SHQ1: variants seen among roughly 807,000 people sequenced by gnomAD.
SHQ1 encodes the protein protein SHQ1 homolog.
In SHQ1, 49 loss-of-function variants were observed where a neutral mutation model predicts 53.8. The observed-to-expected ratio is 0.91, with a 90% CI of 0.72 to 1.16. SHQ1 has a LOEUF of 1.16. SHQ1 is among the 50% of genes most tolerant of loss of function. The pLI is 0.00. For missense variants in SHQ1, 738 were observed against 683.1 expected, an observed-to-expected ratio of 1.08 and a Z score of -0.90; for synonymous variants, 243 against 251.0, an observed-to-expected ratio of 0.97 and a Z score of 0.30.
intron 10 of SHQ1, among the ~76,000 whole-genome samples, chr3:72,762,780 T>C (rs1227132971): frequency 1.3e-5 from 2 of 152,078 alleles, no homozygotes; most frequent in Non-Finnish European, 2.9e-5. Context: ...GTTAGAGCAA[T>C]TCTCCTGCCT....
chr3:72,748,264 A>G (rs1372210302), downstream of SHQ1, among the ~76,000 whole-genome samples: 3 of 147,850 alleles, frequency 2.0e-5, no homozygotes, highest in Admixed American at 6.9e-5. Context: ...ATAAGAATGC[A>G]TATCTAGCAC....
chr3:72,737,222 G>T, the SHQ1 span, among the ~76,000 whole-genome samples: 1 of 152,114 alleles, frequency 6.6e-6, no homozygotes, highest in Non-Finnish European at 1.5e-5. Flanking sequence ...AGGTTGCAGT[G>T]AGCTGAGATC....
the SHQ1 span, among the ~76,000 whole-genome samples, chr3:72,731,413 C>G: frequency 1.3e-5 from 2 of 151,098 alleles, no homozygotes; most frequent in African/African-American, 4.9e-5. Flanking sequence ...GGGCTGGGCG[C>G]GGTGGCACAT....
intron 10 of SHQ1, among the ~76,000 whole-genome samples, chr3:72,777,301 AC>A (rs1359538897): frequency 7.9e-5 from 12 of 152,332 alleles, no homozygotes; most frequent in Non-Finnish European, 1.5e-4. Context: ...AACATATTTA[AC>A]CCATAAAGGA....
At chr3:72,800,147 C>T (rs1706741168) in intron 9 of SHQ1, among the ~76,000 whole-genome samples, 2 of 152,150 alleles carry the variant, frequency 1.3e-5, no homozygotes, top group Non-Finnish European at 2.9e-5. Flanking sequence ...CCAGTTCAAC[C>T]TCTTGCCTGC....
At chr3:72,762,381 G>A (rs1158702906) in intron 10 of SHQ1, among the ~76,000 whole-genome samples, 2 of 152,146 alleles carry the variant, frequency 1.3e-5, no homozygotes, top group African/African-American at 4.8e-5. Context: ...GTTCACCCCA[G>A]CTTTGCAACT....
rs1303593769 is a variant in SHQ1, at chr3:72,756,550, A to G, written c.1182-5714T>C. On this transcript the variant is annotated intron_variant, in intron 10 of 10. Coordinates refer to ENST00000325599, the MANE Select transcript of SHQ1 (RefSeq NM_018130.3). ...ACCTTGGTCTCTCAAAGTGCTGGGG[A>G]TTACAGGAGTAAGCCACCATGCCTG... is the stretch of plus-strand genomic sequence containing the variant. Among the ~76,000 whole-genome samples the G allele has an allele frequency of 2.0e-5, 3 of 152,224 alleles. No homozygotes were observed. The East Asian group carries it at 5.8e-4, about 29-fold the overall frequency.
intron 10 of SHQ1, among the ~76,000 whole-genome samples, chr3:72,754,016 C>A (rs1200190565): frequency 6.6e-6 from 1 of 152,156 alleles, no homozygotes; most frequent in African/African-American, 2.4e-5. Flanking sequence ...AAAGTGGATA[C>A]TGCCTCTAAC....
At chr3:72,833,955 G>A (rs1156602469) in intron 4 of SHQ1, among the ~76,000 whole-genome samples, 28 of 152,212 alleles carry the variant, frequency 1.8e-4, no homozygotes, top group Non-Finnish European at 5.9e-5. Flanking sequence ...TTAGAGAGTT[G>A]AGAAAGCAAA....
intron 10 of SHQ1, among the ~76,000 whole-genome samples, chr3:72,751,721 C>T (rs955709162): frequency 1.4e-5 from 2 of 142,942 alleles, no homozygotes; most frequent in African/African-American, 5.1e-5. Context: ...AGTCATATGT[C>T]AGATATATTT....
chr3:72,757,161 GTTTCAT>G (rs1331945070), intron 10 of SHQ1, among the ~76,000 whole-genome samples: 66 of 152,142 alleles, frequency 4.3e-4, no homozygotes, highest in Non-Finnish European at 8.8e-5. Flanking sequence ...AACCGACTAG[GTTTCAT>G]TTCCTCTGCC....
downstream of SHQ1, among the ~76,000 whole-genome samples, chr3:72,747,374 CAT>C (rs1161099510): frequency 6.6e-6 from 1 of 152,186 alleles, no homozygotes; most frequent in African/African-American, 2.4e-5. Context: ...TCCCGTCAGA[CAT>C]AACCAAAGCA....
At chr3:72,751,496 G>GTACATATATATATATATATATATATA in intron 10 of SHQ1, among the ~76,000 whole-genome samples, 1 of 117,156 alleles carries the variant, frequency 8.5e-6, no homozygotes, top group South Asian at 2.3e-4. Context: ...GTGTGTGTGT[G>GTACATATATATATATATATATATATA]TGTGTGTGTG....
rs1169182754 is a variant in SHQ1 at position 72,765,550 on chromosome 3, TATA to T, written c.1182-14717_1182-14715del. ...CATGACATATATATATATATATATA[TATA>T]TATATTTTTTTTTTTTTTTTGAGAC... On this transcript the variant is annotated intron_variant, in intron 10 of 10. Coordinates refer to ENST00000325599, the MANE Select transcript of SHQ1 (RefSeq NM_018130.3). 1.1e-3 allele frequency among the ~76,000 whole-genome samples: 105 copies of T among 98,932 alleles called. 5 individuals carry two copies. The highest frequency in any genetic ancestry group is 1.1e-3 in the African/African-American group (18 of 16,488). The allele number at this position is 98,932 out of a possible 152,430, so 64.9% of individuals were successfully genotyped here. A position where few individuals can be genotyped will look rare whatever the true frequency, so the allele number is the denominator to read the frequency against.
At chr3:72,733,940 T>C in the SHQ1 span, among the ~76,000 whole-genome samples, 2 of 151,502 alleles carry the variant, frequency 1.3e-5, no homozygotes, top group Non-Finnish European at 1.5e-5. Context: ...CAGGCCTGAA[T>C]GGGCTGATCA....
chr3:72,760,330 AGTGAATTT>A (rs1056323923), intron 10 of SHQ1, among the ~76,000 whole-genome samples: 4 of 152,242 alleles, frequency 2.6e-5, no homozygotes, highest in African/African-American at 9.6e-5. Flanking sequence ...CTTGCTCATT[AGTGAATTT>A]TTGTGAGGTT....
chr3:72,733,185 T>A, the SHQ1 span, among the ~76,000 whole-genome samples: 3 of 151,564 alleles, frequency 2.0e-5, no homozygotes, highest in Non-Finnish European at 4.4e-5. Flanking sequence ...ATTATCAACA[T>A]GGCAAGCCAT....
chr3:72,771,124 A>G lies in SHQ1; in HGVS notation c.1182-20288T>C, dbSNP rs1485848245. 1.3e-5 allele frequency among the ~76,000 whole-genome samples: 2 copies of G among 152,230 alleles called. 1 individual carries two copies. Among genetic ancestry groups the G allele is most frequent in the Non-Finnish European group, 2.9e-5 (2 of 68,044 alleles). On this transcript the variant is annotated intron_variant, in intron 10 of 10. Transcript: ENST00000325599. ...CAAAGTTCTGACCTCAGCCTTCCTC[A>G]TTTTACATTCTACTCACTGTCTTAG... is the stretch of plus-strand genomic sequence containing the variant.
intron 9 of SHQ1, among the ~76,000 whole-genome samples, chr3:72,806,211 G>T (rs945332037): frequency 5.9e-5 from 9 of 152,160 alleles, no homozygotes; most frequent in Non-Finnish European, 1.3e-4. Flanking sequence ...CCTCATGGAA[G>T]GAGAATCCGG....
Sources: gnomAD v4.1 joint callset for allele counts (sites outside exome capture counted in the v4.1 genomes callset) on GRCh38, gnomAD v4.1.1 for gene constraint, MANE v1.5 for transcripts, NCBI Gene and HGNC (gene_info 2026-07-23, HGNC 2026-07-21) for gene names.